Variants in KIF1A observed in about 807,000 individuals in gnomAD.
The protein encoded by KIF1A is kinesin family member 1A.
Under a neutral mutation model 227.3 loss-of-function variants are expected in KIF1A, and 46 were observed. That is an observed-to-expected ratio of 0.20 (90% CI 0.16 to 0.26). The LOEUF (loss-of-function observed/expected upper bound fraction) is 0.26. Among genes scored for constraint, KIF1A ranks in the 10% least tolerant of loss-of-function variants. KIF1A has a pLI of 1.00. For missense variants in KIF1A, 1,683 were observed against 2,485.9 expected, an observed-to-expected ratio of 0.68 and a Z score of 6.87; for synonymous variants, 1,022 against 1,012.8, an observed-to-expected ratio of 1.01 and a Z score of -0.17.
intron 20 of KIF1A, among the ~76,000 whole-genome samples, chr2:240,765,271 C>T (rs2051029155): frequency 6.6e-6 from 1 of 152,252 alleles, no homozygotes; most frequent in African/African-American, 2.4e-5. Flanking sequence ...CAGAGCCCAA[C>T]CCCACCCGGG....
At position 240,788,694 on chromosome 2, in the gene KIF1A, A is replaced by G. The variant is rs568753369; in HGVS notation, c.184-464T>C. Among the ~76,000 whole-genome samples, 1 of 151,656 alleles carries G rather than the reference A, an allele frequency of 6.6e-6. No homozygotes were observed. The highest frequency in any genetic ancestry group is 2.1e-4 in the South Asian group (1 of 4,800). ...ATTAGCTGGGGGTCATCCTGGAAGG[A>G]GGAAGGACTGGATGGGGAAGGCAGA... is the stretch of plus-strand genomic sequence containing the variant. On this transcript the variant is annotated intron_variant, in intron 3 of 48. Transcript: ENST00000498729. The surrounding 1 kb of genome is among the most constrained non-coding windows in gnomAD (Gnocchi z 6.6).
chr2:240,786,834 G>GCCACCACCAGGAC (rs1553638780), intron 5 of KIF1A, among the ~76,000 whole-genome samples: 1 of 148,544 alleles, frequency 6.7e-6, no homozygotes, highest in Non-Finnish European at 1.5e-5. Flanking sequence ...GAGGGTGGGG[G>GCCACCACCAGGAC]CTGCCTGCTG....
intron 43 of KIF1A, 79 bp downstream of exon 43, chr2:240,722,377 T>C: frequency 1.5e-6 from 2 of 1,373,514 alleles, no homozygotes; most frequent in Non-Finnish European, 2.0e-6. Flanking sequence ...CAAGGCCGGG[T>C]TGCTGGAGTT....
intron 33 of KIF1A, 132 bp from the exon 34 acceptor site, chr2:240,743,116 C>G (rs965858862): frequency 1.5e-6 from 1 of 682,794 alleles, no homozygotes; most frequent in African/African-American, 1.8e-5. Flanking sequence ...GACCGTCCAC[C>G]AGCTTGGGTG....
Position 240,758,103 on chromosome 2 carries a change from C to T in KIF1A, c.2582+257G>A, listed in dbSNP as rs966726451. Among the ~76,000 whole-genome samples, 1 of 152,198 alleles carries T rather than the reference C, an allele frequency of 6.6e-6. No individual in the cohort carries two copies. Among genetic ancestry groups the T allele is most frequent in the African/African-American group, 2.4e-5 (1 of 41,454 alleles). On this transcript the variant is annotated intron_variant, in intron 26 of 48. Coordinates refer to ENST00000498729, the MANE Select transcript of KIF1A (RefSeq NM_001244008.2). The surrounding 1 kb of genome is among the most constrained non-coding windows in gnomAD (Gnocchi z 5.2). Reference sequence around the variant, plus strand: ...ATACACATGGACCCATGGGTTCTGGCGGCTACAGCCCTGCAGTGGGTTTGG... The same window carrying T: ...ATACACATGGACCCATGGGTTCTGGTGGCTACAGCCCTGCAGTGGGTTTGG...
At chr2:240,724,158 T>C (rs937938677) in intron 40 of KIF1A, 122 bp from the exon 41 acceptor site, 30 of 835,500 alleles carry the variant, frequency 3.6e-5, no homozygotes, top group Non-Finnish European at 5.6e-5. Flanking sequence ...GGTGATGGGG[T>C]GTTGAGGTCC....
intron 37 of KIF1A, among the ~76,000 whole-genome samples, chr2:240,737,836 G>A (rs2047523870): frequency 6.6e-6 from 1 of 152,198 alleles, no homozygotes; most frequent in Non-Finnish European, 1.5e-5. Context: ...ACAAACACAT[G>A]TACATTTTCT....
intron 2 of KIF1A, among the ~76,000 whole-genome samples, chr2:240,794,486 C>A (rs1201647200): frequency 1.3e-5 from 2 of 152,210 alleles, no homozygotes; most frequent in Non-Finnish European, 2.9e-5. Flanking sequence ...GCCCCCTTCC[C>A]CACAACATCG....
At chr2:240,727,076 C>G (rs900087638) in intron 38 of KIF1A, 136 bp from the exon 39 acceptor site, 1 of 563,916 alleles carries the variant, frequency 1.8e-6, no homozygotes, top group African/African-American at 1.9e-5. Context: ...GCTGGAAGCC[C>G]GGGCGGCGGT....
At position 240,740,431 on chromosome 2, in the gene KIF1A, C is replaced by T; in HGVS notation, c.3750-67G>A. On this transcript the variant is annotated intron_variant, in intron 35 of 48. Coordinates refer to ENST00000498729, the MANE Select transcript of KIF1A (RefSeq NM_001244008.2). This position sits in a 1 kb window ranked among gnomAD's most constrained non-coding sequence, Gnocchi z 6.1. ...TCTCTGCCCTCCCCGCAGCACAGGA[C>T]ACAGTGGACGGGAGCAAAAACAGGG... 7.3e-7 allele frequency: 1 copy of T among 1,376,558 alleles called. No homozygotes were observed. The highest frequency in any genetic ancestry group is 1.0e-6 in the Non-Finnish European group (1 of 968,308). 85.3% of individuals were successfully genotyped at this position (1,376,558 alleles called of 1,614,324 possible).
rs1253775277 is a variant in KIF1A, at chr2:240,788,028, C to T, written c.363+23G>A. ...TCCCGCCCCATCTGCCAGGGCTGCC[C>T]CCGCCCGCCCCCCGCTTCGTGCCTG... On this transcript the variant is annotated intron_variant, in intron 4 of 48. Transcript: ENST00000498729. This position sits in a 1 kb window ranked among gnomAD's most constrained non-coding sequence, Gnocchi z 6.6. 3 of 1,473,508 alleles carry T rather than the reference C, an allele frequency of 2.0e-6. No homozygotes were observed. The South Asian group carries it at 3.6e-5, about 18-fold the overall frequency. 91.3% of individuals were successfully genotyped at this position (1,473,508 alleles called of 1,614,324 possible).
intron 10 of KIF1A, chr2:240,782,273 G>GGCGCGGAGGA: frequency 2.2e-6 from 2 of 904,268 alleles, no homozygotes; most frequent in Non-Finnish European, 2.6e-6. Flanking sequence ...ATGTCCGAGG[G>GGCGCGGAGGA]GCTCCTCCGC....
intron 24 of KIF1A, 118 bp from the exon 25 acceptor site, chr2:240,760,961 T>A: frequency 9.1e-7 from 1 of 1,095,604 alleles, no homozygotes; most frequent in Non-Finnish European, 1.3e-6. Context: ...AATGGTTCAC[T>A]GGAACCTTTC....
At chr2:240,815,698 G>T (rs145777093) in intron 1 of KIF1A, among the ~76,000 whole-genome samples, 1 of 152,184 alleles carries the variant, frequency 6.6e-6, no homozygotes, top group South Asian at 2.1e-4. Flanking sequence ...TGGGAGAAGT[G>T]GGGGGTAATG....
In KIF1A at chr2:240,716,720, C is replaced by G. The variant is rs973134127; in HGVS notation, c.*644G>C. On this transcript the variant is annotated 3_prime_UTR_variant, in exon 49 of 49. Transcript: ENST00000498729. ...ACTTCAGGCACCAAAGACACCCCCC[C>G]ACTCTCCCACACATACACCCAGGAC... 6 of 152,450 alleles carry G rather than the reference C, an allele frequency of 3.9e-5. No individual in the cohort carries two copies. Among genetic ancestry groups the G allele is most frequent in the African/African-American group, 1.4e-4 (6 of 41,450 alleles). The allele number at this position is 152,450 out of a possible 1,614,324, so 9.4% of individuals were successfully genotyped here. A position where few individuals can be genotyped will look rare whatever the true frequency, so the allele number is the denominator to read the frequency against.
chr2:240,820,089 G>T lies in KIF1A; in HGVS notation c.-61+33C>A. 6.6e-6 allele frequency: 1 copy of T among 151,250 alleles called. No individual in the cohort carries two copies. Among genetic ancestry groups the T allele is most frequent in the South Asian group, 1.8e-4 (1 of 5,686 alleles). 9.4% of individuals were successfully genotyped at this position (151,250 alleles called of 1,614,324 possible). On this transcript the variant is annotated intron_variant, in intron 1 of 48. Transcript: ENST00000498729. This position sits in a 1 kb window ranked among gnomAD's most constrained non-coding sequence, Gnocchi z 6.2. Reference sequence around the variant, plus strand: ...GGCGCAGGTGCGGGGCGAGGGGCGCGGGCGCGGGAGGCCGGGCGGGCGGCG... The same window carrying T: ...GGCGCAGGTGCGGGGCGAGGGGCGCTGGCGCGGGAGGCCGGGCGGGCGGCG...
At position 240,758,380 on chromosome 2, in the gene KIF1A, G is replaced by C. The variant is rs375824464; in HGVS notation, c.2562C>G (p.Pro854=). The change falls in exon 26 of 49, where the codon CCC becomes CCG. Residue 854 remains proline, a synonymous_variant. Coordinates refer to ENST00000498729, the MANE Select transcript of KIF1A (RefSeq NM_001244008.2). This position sits in a 1 kb window ranked among gnomAD's most constrained non-coding sequence, Gnocchi z 5.2. ...TGGDPFYDRF[P]WFRLVGSSAI... ...CCCACCTGCCCACCAGCCGGAACCA[G>C]GGGAAGCGGTCATAGAAGGGGTCTC... 3.7e-6 allele frequency: 6 copies of C among 1,612,220 alleles called. No homozygotes were observed. The highest frequency in any genetic ancestry group is 5.1e-6 in the Non-Finnish European group (6 of 1,179,074).
Position 240,783,748 on chromosome 2 carries a change from C to T in KIF1A, c.789G>A (p.Thr263=), listed in dbSNP as rs368610026. The change falls in exon 8 of 49, where the codon ACG becomes ACA. Residue 263 remains threonine (T), a synonymous_variant. Coordinates refer to ENST00000498729, the MANE Select transcript of KIF1A (RefSeq NM_001244008.2). ...GCGGCCTGGCCCCTACCTTGAGGCG[C>T]GTGCCCTTGGCTCCCGTGGAGTCAG... The part of the protein sequence containing the change: ...ERADSTGAKG[T]RLKEGANINK... 38 of 1,574,238 alleles carry T rather than the reference C, an allele frequency of 2.4e-5. No individual in the cohort carries two copies. Among genetic ancestry groups the T allele is most frequent in the Non-Finnish European group, 3.0e-5 (35 of 1,159,978 alleles).
At position 240,752,705 on chromosome 2, in the gene KIF1A, C is replaced by G. The variant is rs1428214388; in HGVS notation, c.2859-2158G>C. Among the ~76,000 whole-genome samples, 2 of 152,084 alleles carry G rather than the reference C, an allele frequency of 1.3e-5. No individual in the cohort carries two copies. Among genetic ancestry groups the G allele is most frequent in the Admixed American group, 6.5e-5 (1 of 15,286 alleles). ...CCCTGCCCTCCAGCCCCCACCCACC[C>G]CACATTTTCCCAGAGCTAGTGCCCA... On this transcript the variant is annotated intron_variant, in intron 27 of 48. Coordinates refer to ENST00000498729, the MANE Select transcript of KIF1A (RefSeq NM_001244008.2). The surrounding 1 kb of genome is among the most constrained non-coding windows in gnomAD (Gnocchi z 6.4).
Sources: allele counts gnomAD v4.1 joint callset (sites outside exome capture counted in the v4.1 genomes callset), GRCh38; gene constraint gnomAD v4.1.1; non-coding constraint Gnocchi (gnomAD v3.1); transcripts MANE v1.5; gene names NCBI Gene and HGNC (gene_info 2026-07-23, HGNC 2026-07-21).